The following PLGRKT variants were observed in gnomAD, a reference collection of about 807,000 sequenced individuals.
PLGRKT encodes plasminogen receptor (KT).
A neutral mutation model predicts 18.5 loss-of-function variants in PLGRKT; 22 were observed. The observed-to-expected ratio is 1.19, with a 90% CI of 0.85 to 1.70. The LOEUF is 1.70. Among genes scored for constraint, PLGRKT ranks in the 40% most tolerant of loss-of-function variants. The pLI is 0.00. For synonymous variants in PLGRKT, 72 were observed against 52.8 expected, an observed-to-expected ratio of 1.36 and a Z score of -1.58; for missense variants, 235 against 174.4, an observed-to-expected ratio of 1.35 and a Z score of -1.96.
chr9:5,421,666 C>T (rs905907958), intron 3 of PLGRKT, among the ~76,000 whole-genome samples: 1 of 152,168 alleles, frequency 6.6e-6, no homozygotes, highest in Non-Finnish European at 1.5e-5. Flanking sequence ...ATGCTGTGTG[C>T]TAAATTCTTG....
At chr9:5,400,865 A>T (rs1314376602) in intron 3 of PLGRKT, among the ~76,000 whole-genome samples, 1 of 151,942 alleles carries the variant, frequency 6.6e-6, no homozygotes, top group Non-Finnish European at 1.5e-5. Context: ...CATATGATGT[A>T]ATTCTAACAT....
chr9:5,435,499 C>A (rs919570597), intron 2 of PLGRKT, among the ~76,000 whole-genome samples: 1 of 152,130 alleles, frequency 6.6e-6, no homozygotes, highest in Admixed American at 6.5e-5. Flanking sequence ...TCCAAGATAG[C>A]ATGTACTAAA....
chr9:5,387,577 G>T (rs1040426485), intron 3 of PLGRKT, among the ~76,000 whole-genome samples: 3 of 151,848 alleles, frequency 2.0e-5, no homozygotes, highest in African/African-American at 7.3e-5. Flanking sequence ...CCATATATAA[G>T]GAGCGTTAAA....
chr9:5,425,777 G>A (rs2131168503), intron 3 of PLGRKT, among the ~76,000 whole-genome samples: 1 of 152,178 alleles, frequency 6.6e-6, no homozygotes. Context: ...TGAATCATGA[G>A]TGGTCTTTTC....
intron 3 of PLGRKT, among the ~76,000 whole-genome samples, chr9:5,399,294 G>C (rs1219732059): frequency 1.3e-5 from 2 of 151,780 alleles, no homozygotes. Flanking sequence ...ACCTCAAAGG[G>C]TACACAGAAG....
At chr9:5,424,254 T>A (rs982168512) in intron 3 of PLGRKT, among the ~76,000 whole-genome samples, 2 of 137,778 alleles carry the variant, frequency 1.5e-5, no homozygotes, top group Non-Finnish European at 3.0e-5. Flanking sequence ...ATAGTATATA[T>A]ACACTATATG....
intron 3 of PLGRKT, among the ~76,000 whole-genome samples, chr9:5,385,699 T>TGGAAA (rs1817829924): frequency 6.6e-6 from 1 of 151,312 alleles, no homozygotes; most frequent in African/African-American, 2.4e-5. Flanking sequence ...GAGAGGATGG[T>TGGAAA]GGAAAGGAAA....
rs112235371 is a variant in PLGRKT, at chr9:5,418,647, C to T, written c.81+13250G>A. 2,007 of 689,928 alleles carry T rather than the reference C, an allele frequency of 2.9e-3. 28 individuals are homozygous for T. In the African/African-American group the frequency reaches 0.032, roughly 11 times the overall value. 42.7% of individuals were successfully genotyped at this position (689,928 alleles called of 1,614,324 possible). Reference sequence around the variant, plus strand: ...GGCGGCTCATATCTCCGGGCAGCAGCGCGTGCTCCTTGGAGATGGGCAGGG... The same window carrying T: ...GGCGGCTCATATCTCCGGGCAGCAGTGCGTGCTCCTTGGAGATGGGCAGGG... On this transcript the variant is annotated intron_variant, in intron 3 of 5. Transcript: ENST00000223864. The surrounding 1 kb of genome is among the most constrained non-coding windows in gnomAD (Gnocchi z 4.2).
chr9:5,378,095 C>T (rs1328169173), intron 3 of PLGRKT, among the ~76,000 whole-genome samples: 1 of 152,162 alleles, frequency 6.6e-6, no homozygotes, highest in Non-Finnish European at 1.5e-5. Context: ...ACAGAAAATC[C>T]ATGCCAGCTC....
intron 3 of PLGRKT, among the ~76,000 whole-genome samples, chr9:5,386,763 A>C (rs1011314213): frequency 4.0e-5 from 6 of 151,698 alleles, no homozygotes; most frequent in Non-Finnish European, 8.8e-5. Context: ...TATGTCCATC[A>C]CCCATAATTA....
At chr9:5,408,300 G>A (rs552856181) in intron 3 of PLGRKT, among the ~76,000 whole-genome samples, 1 of 152,314 alleles carries the variant, frequency 6.6e-6, no homozygotes, top group East Asian at 1.9e-4. Context: ...GAGATGGCCA[G>A]GTGGATGAGG....
chr9:5,388,288 G>C (rs529416730), intron 3 of PLGRKT, among the ~76,000 whole-genome samples: 1 of 151,922 alleles, frequency 6.6e-6, no homozygotes, highest in East Asian at 1.9e-4. Context: ...GAACAACTGA[G>C]GAATGTTTTT....
chr9:5,417,703 CT>C (rs1391865859), intron 3 of PLGRKT, among the ~76,000 whole-genome samples: 2 of 149,628 alleles, frequency 1.3e-5, no homozygotes, highest in African/African-American at 4.9e-5. Context: ...CCCTATTGGG[CT>C]TTCAGTTTAA....
Position 5,406,082 on chromosome 9 carries a change from T to C in PLGRKT, c.81+25815A>G, listed in dbSNP as rs147144035. ...AGATACCATCTCACACCAGTCAGAA[T>C]GGAAATTATTAAAAAATCAAGAAAC... On this transcript the variant is annotated intron_variant, in intron 3 of 5. Coordinates refer to ENST00000223864, the MANE Select transcript of PLGRKT (RefSeq NM_018465.4). 2.0e-4 allele frequency among the ~76,000 whole-genome samples: 31 copies of C among 152,240 alleles called. No individual in the cohort carries two copies. The East Asian group carries it at 6.0e-3, about 29-fold the overall frequency.
intron 3 of PLGRKT, among the ~76,000 whole-genome samples, chr9:5,424,530 A>G (rs1029898014): frequency 3.7e-4 from 44 of 118,028 alleles, no homozygotes; most frequent in African/African-American, 1.5e-3. Context: ...AATATATATT[A>G]TTAACATATA....
chr9:5,427,286 G>A (rs1016883745), intron 3 of PLGRKT, among the ~76,000 whole-genome samples: 7 of 152,242 alleles, frequency 4.6e-5, no homozygotes, highest in African/African-American at 1.7e-4. Flanking sequence ...ACAGTGGCTG[G>A]TGTGCAGGTA....
chr9:5,401,188 T>C (rs1586727310), intron 3 of PLGRKT, among the ~76,000 whole-genome samples: 1 of 151,786 alleles, frequency 6.6e-6, no homozygotes, highest in East Asian at 1.9e-4. Flanking sequence ...TTACCCAGTC[T>C]ACACAAGACA....
chr9:5,409,294 G>C, intron 3 of PLGRKT, among the ~76,000 whole-genome samples: 1 of 152,198 alleles, frequency 6.6e-6, no homozygotes, highest in East Asian at 1.9e-4. Context: ...CCCTTAATCT[G>C]GATGGGCACC....
intron 3 of PLGRKT, among the ~76,000 whole-genome samples, chr9:5,421,429 T>C (rs189783934): frequency 6.6e-6 from 1 of 152,340 alleles, no homozygotes. Context: ...CTCACAGAAC[T>C]CATCACCACT....
Sources: gnomAD v4.1 joint callset for allele counts (sites outside exome capture counted in the v4.1 genomes callset) on GRCh38, gnomAD v4.1.1 for gene constraint, Gnocchi (gnomAD v3.1) non-coding constraint, MANE v1.5 for transcripts, NCBI Gene and HGNC (gene_info 2026-07-23, HGNC 2026-07-21) for gene names.